Variants in GPHN observed in about 807,000 individuals in gnomAD.
GPHN encodes the protein gephyrin.
A neutral mutation model predicts 95.5 loss-of-function variants in GPHN; 17 were observed. The observed-to-expected ratio is 0.18, with a 90% CI of 0.12 to 0.27. The LOEUF (loss-of-function observed/expected upper bound fraction) is 0.27. GPHN is among the 10% of genes least tolerant of loss of function. The probability of loss-of-function intolerance (pLI) is 1.00; values close to 1 mark genes in which losing one functional copy is unlikely to be tolerated. For synonymous variants in GPHN, 320 were observed against 322.5 expected, an observed-to-expected ratio of 0.99 and a Z score of 0.08; for missense variants, 660 against 978.1, an observed-to-expected ratio of 0.67 and a Z score of 4.34.
In GPHN at chr14:66,801,370, C is replaced by T. The variant is rs182577292; in HGVS notation, c.202-23104C>T. 2.0e-4 allele frequency among the ~76,000 whole-genome samples: 31 copies of T among 152,222 alleles called. 1 individual carries two copies. The highest frequency in any genetic ancestry group is 1.8e-3 in the Admixed American group (28 of 15,292). Reference sequence around the variant, plus strand: ...AGGCTTTCCAAATATTATGAAAGGACCTGAGTGTTATAAGCTTTAGCGGGC... The same window carrying T: ...AGGCTTTCCAAATATTATGAAAGGATCTGAGTGTTATAAGCTTTAGCGGGC... On this transcript the variant is annotated intron_variant, in intron 3 of 22. Coordinates refer to ENST00000478722, the MANE Select transcript of GPHN (RefSeq NM_020806.5).
At chr14:66,815,751 A>T (rs2060939151) in intron 3 of GPHN, among the ~76,000 whole-genome samples, 1 of 152,108 alleles carries the variant, frequency 6.6e-6, no homozygotes, top group Admixed American at 6.6e-5. Context: ...GCAACCACAT[A>T]TGTCTGCAAA....
At chr14:67,543,361 C>T in the GPHN span, among the ~76,000 whole-genome samples, 1 of 152,214 alleles carries the variant, frequency 6.6e-6, no homozygotes, top group African/African-American at 2.4e-5. Context: ...ACATTGTTGT[C>T]TCCTAACTCA....
chr14:66,855,436 G>T (rs1374879364), intron 4 of GPHN, among the ~76,000 whole-genome samples: 1 of 152,020 alleles, frequency 6.6e-6, no homozygotes, highest in Non-Finnish European at 1.5e-5. Context: ...CTCAGTTCAT[G>T]CATGTTGTAG....
In GPHN at chr14:66,977,160, G is replaced by T. The variant is rs186046653; in HGVS notation, c.963+11835G>T. On this transcript the variant is annotated intron_variant, in intron 9 of 22. Coordinates refer to ENST00000478722, the MANE Select transcript of GPHN (RefSeq NM_020806.5). ...TAAAAAGTATATACAGGCCGGGCGC[G>T]GTGGCTCATGCCTGTAATCCCAGTA... 2.0e-5 allele frequency among the ~76,000 whole-genome samples: 3 copies of T among 152,206 alleles called. No homozygotes were observed. The South Asian group carries it at 6.2e-4, about 32-fold the overall frequency.
chr14:67,664,453 G>A, the GPHN span, among the ~76,000 whole-genome samples: 5 of 151,784 alleles, frequency 3.3e-5, no homozygotes, highest in Admixed American at 2.0e-4. Context: ...TTTTCAATGT[G>A]ACTCCTAAAC....
chr14:66,526,870 G>A (rs974270035), intron 1 of GPHN, among the ~76,000 whole-genome samples: 2 of 152,056 alleles, frequency 1.3e-5, no homozygotes, highest in African/African-American at 2.4e-5. Context: ...TATTGGATTC[G>A]GTTTGCCAAT....
intron 11 of GPHN, among the ~76,000 whole-genome samples, chr14:67,067,341 A>C (rs906060510): frequency 3.3e-5 from 5 of 152,102 alleles, no homozygotes; most frequent in African/African-American, 1.2e-4. Context: ...CCAGAGGGAC[A>C]CCTGCCTGTA....
intron 1 of GPHN, among the ~76,000 whole-genome samples, chr14:66,564,130 T>C (rs1450078098): frequency 6.6e-6 from 1 of 152,156 alleles, no homozygotes; most frequent in Non-Finnish European, 1.5e-5. Flanking sequence ...TATTAAATTA[T>C]AGGGAGATTG....
intron 4 of GPHN, among the ~76,000 whole-genome samples, chr14:66,837,654 T>TAAAA (rs931260411): frequency 1.0e-4 from 14 of 139,004 alleles, no homozygotes; most frequent in South Asian, 2.3e-4. Flanking sequence ...AATAAATAAA[T>TAAAA]AAAAAGACTG....
chr14:67,557,918 G>C, the GPHN span, among the ~76,000 whole-genome samples: 1 of 152,222 alleles, frequency 6.6e-6, no homozygotes, highest in African/African-American at 2.4e-5. Context: ...GAGCTGCACA[G>C]AGCTGGATGG....
chr14:67,475,841 C>T, the GPHN span, among the ~76,000 whole-genome samples: 2 of 152,234 alleles, frequency 1.3e-5, no homozygotes, highest in Non-Finnish European at 2.9e-5. Flanking sequence ...TTACCTGGCC[C>T]ATTATCAGGT....
chr14:67,163,063 T>A (rs2082058970), intron 19 of GPHN, among the ~76,000 whole-genome samples: 1 of 152,188 alleles, frequency 6.6e-6, no homozygotes, highest in Admixed American at 6.5e-5. Flanking sequence ...CCCAGTACTT[T>A]GGGAGGCTGA....
intron 2 of GPHN, among the ~76,000 whole-genome samples, chr14:66,731,065 A>C (rs1350615822): frequency 6.6e-6 from 1 of 152,168 alleles, no homozygotes; most frequent in Non-Finnish European, 1.5e-5. Context: ...ACCGCCATGT[A>C]AGACATGCCA....
chr14:67,044,530 CT>C (rs1182507831), intron 10 of GPHN, among the ~76,000 whole-genome samples: 3 of 151,980 alleles, frequency 2.0e-5, no homozygotes, highest in Non-Finnish European at 2.9e-5. Flanking sequence ...GTGTTTTCTT[CT>C]GTTGTTGACT....
At chr14:67,297,301 G>A in the GPHN span, among the ~76,000 whole-genome samples, 1 of 152,106 alleles carries the variant, frequency 6.6e-6, no homozygotes, top group African/African-American at 2.4e-5. Context: ...TAGGAACAGG[G>A]AAAATATGAA....
chr14:67,696,852 T>G, the GPHN span, among the ~76,000 whole-genome samples: 1 of 152,182 alleles, frequency 6.6e-6, no homozygotes, highest in Non-Finnish European at 1.5e-5. Flanking sequence ...TAATTTCCAT[T>G]TGGTTAAAAG....
chr14:67,200,590 G>A, the GPHN span: 23 of 220,348 alleles, frequency 1.0e-4, no homozygotes, highest in Admixed American at 3.7e-4. Context: ...CCATTAACAC[G>A]TTCTCTGCAC....
chr14:66,922,890 A>G lies in GPHN; in HGVS notation c.681A>G (p.Thr227=), dbSNP rs1298685948. The change falls in exon 7 of 23, where the codon ACA becomes ACG. Residue 227 remains threonine (T), a synonymous_variant. Coordinates refer to ENST00000478722, the MANE Select transcript of GPHN (RefSeq NM_020806.5). The part of the protein sequence containing the change: ...EEKKDSGVAS[T]EDSSSSHITA... ...AGAAAGACAGTGGTGTTGCTTCAAC[A>G]GAAGATAGTTCCTCATCACATATAA... 6.2e-7 allele frequency: 1 copy of G among 1,613,638 alleles called. No individual in the cohort carries two copies. The highest frequency in any genetic ancestry group is 8.5e-7 in the Non-Finnish European group (1 of 1,179,804).
chr14:66,907,503 A>G (rs2065442987), intron 5 of GPHN, among the ~76,000 whole-genome samples: 2 of 152,172 alleles, frequency 1.3e-5, no homozygotes, highest in African/African-American at 4.8e-5. Flanking sequence ...GAAATACGGA[A>G]ACATGACATT....
Sources: gnomAD v4.1 joint callset for allele counts (sites outside exome capture counted in the v4.1 genomes callset) on GRCh38, gnomAD v4.1.1 for gene constraint, MANE v1.5 for transcripts, NCBI Gene and HGNC (gene_info 2026-07-23, HGNC 2026-07-21) for gene names.